Variants in HECW1 observed in about 807,000 individuals in gnomAD.
HECW1 encodes HECT, C2 and WW domain containing E3 ubiquitin protein ligase 1.
HECW1 carries 61 observed loss-of-function variants against 182.3 expected under a neutral mutation model. The ratio of observed to expected loss-of-function variants is 0.33; its 90% confidence interval spans 0.27 to 0.41. The LOEUF (loss-of-function observed/expected upper bound fraction) is 0.41, where lower values mean the gene tolerates loss of function less well. Among genes scored for constraint, HECW1 ranks in the 10% least tolerant of loss-of-function variants. HECW1 has a pLI of 1.00. For synonymous variants in HECW1, 859 were observed against 832.6 expected (o/e 1.03, Z -0.55); for missense variants, 1,739 against 2,108.9 (o/e 0.82, Z 3.44).
At chr7:43,450,167 G>A (rs556895792) in intron 11 of HECW1, among the ~76,000 whole-genome samples, 6 of 151,436 alleles carry the variant, frequency 4.0e-5, no homozygotes, top group African/African-American at 1.2e-4. Flanking sequence ...TCCTCTTTCC[G>A]GAGCACCCTG....
intron 3 of HECW1, among the ~76,000 whole-genome samples, chr7:43,310,597 T>C (rs537514949): frequency 2.8e-4 from 43 of 152,286 alleles, no homozygotes; most frequent in African/African-American, 1.0e-3. Context: ...AACGCTGTGC[T>C]TTCTCAGGCT....
chr7:43,457,510 C>T (rs776905129), intron 13 of HECW1, among the ~76,000 whole-genome samples: 4 of 152,144 alleles, frequency 2.6e-5, no homozygotes, highest in African/African-American at 7.2e-5. Context: ...CAGTGGCTCA[C>T]GCCTGTAATC....
In HECW1 at chr7:43,444,533, G is replaced by T. The variant is rs759091836; in HGVS notation, c.1361G>T (p.Ser454Ile). The change falls in exon 11 of 30, where the codon AGT (serine) becomes ATT (isoleucine). Residue 454 changes from serine to isoleucine, a missense_variant. Transcript: ENST00000395891. This position sits in a 1 kb window ranked among gnomAD's most constrained non-coding sequence, Gnocchi z 4.3. Reference protein sequence around the residue: ...QVQKDIQPAPSAEELAEQLDL... With the variant: ...QVQKDIQPAPIAEELAEQLDL... ...CAAAAGGACATCCAGCCTGCCCCCAGTGCAGAAGAGCTGGCCGAGCAGCTG... is the reference window on the plus strand; with the variant it reads ...CAAAAGGACATCCAGCCTGCCCCCATTGCAGAAGAGCTGGCCGAGCAGCTG... 1.9e-6 allele frequency: 3 copies of T among 1,611,490 alleles called. No individual in the cohort carries two copies. In the South Asian group the frequency reaches 3.3e-5, roughly 18 times the overall value.
chr7:43,326,793 G>A (rs1226108950), intron 5 of HECW1, among the ~76,000 whole-genome samples: 1 of 152,224 alleles, frequency 6.6e-6, no homozygotes, highest in African/African-American at 2.4e-5. Flanking sequence ...AGACCAAAGG[G>A]CACTGGAGGA....
At chr7:43,396,059 C>T (rs1175138678) in intron 6 of HECW1, among the ~76,000 whole-genome samples, 2 of 152,300 alleles carry the variant, frequency 1.3e-5, no homozygotes, top group South Asian at 2.1e-4. Flanking sequence ...ACATACAACA[C>T]ATGCAAAGGC....
chr7:43,236,114 A>T (rs955963563), intron 2 of HECW1, among the ~76,000 whole-genome samples: 1 of 152,190 alleles, frequency 6.6e-6, no homozygotes, highest in Non-Finnish European at 1.5e-5. Context: ...ATATGTTTAT[A>T]TGCACTAGTC....
chr7:43,507,081 A>G (rs1340242754), intron 21 of HECW1, 56 bp from the exon 22 acceptor site: 103 of 1,575,978 alleles, frequency 6.5e-5, no homozygotes, highest in Non-Finnish European at 8.8e-5. Context: ...AAAAAGAAAA[A>G]AAGAAGAAGA....
chr7:43,224,212 G>A (rs758183680), intron 2 of HECW1, among the ~76,000 whole-genome samples: 3 of 152,124 alleles, frequency 2.0e-5, no homozygotes, highest in Admixed American at 6.5e-5. Flanking sequence ...AAAGAACATC[G>A]AACTGCATTT....
chr7:43,356,681 C>T (rs1183437580), intron 5 of HECW1, among the ~76,000 whole-genome samples: 2 of 152,106 alleles, frequency 1.3e-5, no homozygotes, highest in African/African-American at 4.8e-5. Flanking sequence ...AAGTAGAAAT[C>T]TTATCAAGTA....
intron 2 of HECW1, among the ~76,000 whole-genome samples, chr7:43,131,367 G>A (rs1174470391): frequency 1.3e-5 from 2 of 152,116 alleles, no homozygotes; most frequent in Non-Finnish European, 2.9e-5. Context: ...TGTTTCTATG[G>A]CTTGACCAGC....
At chr7:43,425,139 T>C (rs2076315815) in intron 8 of HECW1, among the ~76,000 whole-genome samples, 1 of 152,088 alleles carries the variant, frequency 6.6e-6, no homozygotes, top group Admixed American at 6.6e-5. Flanking sequence ...GCCATAGCAA[T>C]GGAGTTGCAA....
intron 29 of HECW1, among the ~76,000 whole-genome samples, chr7:43,557,733 C>T (rs552922304): frequency 6.6e-6 from 1 of 152,286 alleles, no homozygotes; most frequent in East Asian, 1.9e-4. Flanking sequence ...CTTCTTAAAC[C>T]ATAGTCCACA....
Position 43,550,478 on chromosome 7 carries a change from A to C in HECW1, c.4282A>C (p.Asn1428His). ...TERELKSGGANTQVTEKNKKE... is the reference protein window; with the variant it reads ...TERELKSGGAHTQVTEKNKKE... ...AAGGGAGTTGAAGTCTGGAGGAGCCAACACACAGGTGACGGAGAAAAACAA... is the reference window on the plus strand; with the variant it reads ...AAGGGAGTTGAAGTCTGGAGGAGCCCACACACAGGTGACGGAGAAAAACAA... Residue 1428 changes from asparagine (N) to histidine (H), a missense_variant, in exon 27 of 30, where the codon AAC becomes CAC. By Grantham distance (68) the Asn-to-His change is moderately conservative. Around this residue, in one of 5 missense-constraint regions of HECW1, gnomAD observed 420 missense variants for 595.7 expected, o/e 0.71. Coordinates refer to ENST00000395891, the MANE Select transcript of HECW1 (RefSeq NM_015052.5). 1 of 1,614,148 alleles carries C rather than the reference A, an allele frequency of 6.2e-7. No homozygotes were observed. Among genetic ancestry groups the C allele is most frequent in the Middle Eastern group, 1.6e-4 (1 of 6,062 alleles).
At chr7:43,541,079 A>G in intron 24 of HECW1, 84 bp from the exon 25 acceptor site, 1 of 1,074,922 alleles carries the variant, frequency 9.3e-7, no homozygotes, top group South Asian at 1.3e-5. Context: ...TGAATGCTCA[A>G]ACACATCAAA....
intron 24 of HECW1, among the ~76,000 whole-genome samples, chr7:43,517,494 G>C (rs2080221854): frequency 1.3e-5 from 2 of 152,232 alleles, no homozygotes; most frequent in South Asian, 4.1e-4. Flanking sequence ...GGGTAAGTGG[G>C]TATTAAGTGT....
Position 43,437,147 on chromosome 7 carries a change from C to T in HECW1, c.802-856C>T, listed in dbSNP as rs77439039. Among the ~76,000 whole-genome samples the T allele has an allele frequency of 2.0e-3, 300 of 152,334 alleles. 3 individuals are homozygous for T. The highest frequency in any genetic ancestry group is 6.8e-3 in the African/African-American group (284 of 41,576). On this transcript the variant is annotated intron_variant, in intron 8 of 29. Transcript: ENST00000395891. ...GAGCATCCCCCTCTAGACATTTTCT[C>T]TGCAGTTCAAAGTACAAATGAAATC...
rs2074538544 is a variant in HECW1, at chr7:43,381,251, A to T, written c.556-15563A>T. On this transcript the variant is annotated intron_variant, in intron 6 of 29. Coordinates refer to ENST00000395891, the MANE Select transcript of HECW1 (RefSeq NM_015052.5). ...TATATTCTGGATATAGTTCTTTGTT[A>T]TATATCTTCTACCTGTGGATGGCAT... is the stretch of plus-strand genomic sequence containing the variant. Among the ~76,000 whole-genome samples, 3 of 152,018 alleles carry T rather than the reference A, an allele frequency of 2.0e-5. No individual in the cohort carries two copies. In the South Asian group the frequency reaches 6.2e-4, roughly 32 times the overall value.
intron 24 of HECW1, among the ~76,000 whole-genome samples, chr7:43,514,411 C>G: frequency 6.6e-6 from 1 of 151,880 alleles, no homozygotes; most frequent in Non-Finnish European, 1.5e-5. Context: ...GCCTCAGCCT[C>G]CCAAGTAGCT....
At chr7:43,452,473 A>C (rs917722571) in intron 12 of HECW1, among the ~76,000 whole-genome samples, 1 of 152,240 alleles carries the variant, frequency 6.6e-6, no homozygotes, top group African/African-American at 2.4e-5. Context: ...CCTTAGAAAA[A>C]TTGGTAATGA....
Sources: gnomAD v4.1 joint callset for allele counts (sites outside exome capture counted in the v4.1 genomes callset) on GRCh38, gnomAD v4.1.1 for gene constraint, gnomAD v4.1.1 regional missense constraint, Gnocchi (gnomAD v3.1) non-coding constraint, MANE v1.5 for transcripts, NCBI Gene and HGNC (gene_info 2026-07-23, HGNC 2026-07-21) for gene names.